The following SLCO1A2 variants were observed in gnomAD, a reference collection of about 807,000 sequenced individuals.
SLCO1A2 encodes solute carrier organic anion transporter family member 1A2, also known as OATP-1.
In SLCO1A2, 67 loss-of-function variants were observed where a neutral mutation model predicts 69.0. That is an observed-to-expected ratio of 0.97 (90% CI 0.80 to 1.19). The LOEUF (loss-of-function observed/expected upper bound fraction) is 1.19. Among genes scored for constraint, SLCO1A2 ranks in the 50% most tolerant of loss-of-function variants. SLCO1A2 has a pLI of 0.00. For missense variants in SLCO1A2, 787 were observed against 793.7 expected (o/e 0.99, Z 0.10); for synonymous variants, 260 against 265.9 (o/e 0.98, Z 0.22).
intron 8 of SLCO1A2, among the ~76,000 whole-genome samples, chr12:21,299,823 TAC>T (rs1378292494): frequency 1.4e-5 from 2 of 141,656 alleles, no homozygotes; most frequent in African/African-American, 5.2e-5. Flanking sequence ...CACACACATA[TAC>T]ACACACATAT....
chr12:21,297,313 A>G (rs1947880534), intron 9 of SLCO1A2, 91 bp downstream of exon 9: 3 of 827,746 alleles, frequency 3.6e-6, no homozygotes, highest in Non-Finnish European at 5.3e-6. Flanking sequence ...AAATATCCTA[A>G]AACACTTCAA....
chr12:21,400,475 C>G (rs1941652221), intron 1 of SLCO1A2, among the ~76,000 whole-genome samples: 1 of 151,652 alleles, frequency 6.6e-6, no homozygotes, highest in South Asian at 2.1e-4. Context: ...GTGGCGATTC[C>G]TCAGGGATCT....
rs367902603 is a variant in SLCO1A2 at position 21,316,663 on chromosome 12, T to C, written c.203-1982A>G. Among the ~76,000 whole-genome samples, 17 of 152,282 alleles carry C rather than the reference T, an allele frequency of 1.1e-4. No homozygotes were observed. The East Asian group carries it at 2.9e-3, about 26-fold the overall frequency. On this transcript the variant is annotated intron_variant, in intron 3 of 14. Transcript: ENST00000683939. ...TTCTCTTAACATAGACTCCTTTTCTTCTACCTGTGCCTTAAATGTTTGTGC... is the reference window on the plus strand; with the variant it reads ...TTCTCTTAACATAGACTCCTTTTCTCCTACCTGTGCCTTAAATGTTTGTGC...
intron 2 of SLCO1A2, among the ~76,000 whole-genome samples, chr12:21,358,419 C>T (rs1204458822): frequency 1.3e-5 from 2 of 152,146 alleles, no homozygotes; most frequent in Admixed American, 1.3e-4. Context: ...TACTTTTAAA[C>T]TATGTGGCAA....
At chr12:21,399,933 A>G (rs1304008325), upstream of SLCO1A2, among the ~76,000 whole-genome samples, 3 of 151,944 alleles carry the variant, frequency 2.0e-5, no homozygotes, top group Admixed American at 1.3e-4. Context: ...CTAGAAGAAA[A>G]GCTAGGCATT....
intron 1 of SLCO1A2, among the ~76,000 whole-genome samples, chr12:21,382,551 A>G (rs1481943108): frequency 6.6e-6 from 1 of 152,164 alleles, no homozygotes; most frequent in East Asian, 1.9e-4. Flanking sequence ...TAATCCCAGC[A>G]CTTTGGGAGG....
intron 1 of SLCO1A2, among the ~76,000 whole-genome samples, chr12:21,376,572 G>T (rs558162639): frequency 6.6e-6 from 1 of 152,002 alleles, no homozygotes; most frequent in Admixed American, 6.6e-5. Flanking sequence ...TCAAACATTT[G>T]TCAGCATACA....
chr12:21,325,348 T>C (rs1011922357), intron 2 of SLCO1A2, among the ~76,000 whole-genome samples: 6 of 152,236 alleles, frequency 3.9e-5, no homozygotes, highest in African/African-American at 1.4e-4. Flanking sequence ...AAAGGCTGTT[T>C]AGACATCTCA....
intron 2 of SLCO1A2, among the ~76,000 whole-genome samples, chr12:21,332,930 A>ATAGAAATTTATGTGAAAAGGACC (rs1160386510): frequency 6.6e-6 from 1 of 152,092 alleles, no homozygotes; most frequent in Admixed American, 6.6e-5. Context: ...TGAGACCTAA[A>ATAGAAATTTATGTGAAAAGGACC]TAGAAATTTA....
chr12:21,287,209 CAG>C (rs1946005437), intron 12 of SLCO1A2, among the ~76,000 whole-genome samples: 1 of 145,860 alleles, frequency 6.9e-6, no homozygotes, highest in African/African-American at 2.6e-5. Flanking sequence ...AGGACATGAA[CAG>C]ACACTTCTCA....
chr12:21,404,067 T>C (rs1441086647), intron 1 of SLCO1A2, among the ~76,000 whole-genome samples: 2 of 152,068 alleles, frequency 1.3e-5, no homozygotes, highest in African/African-American at 2.4e-5. Context: ...ACTGACATTT[T>C]TGAACAGTAG....
At chr12:21,382,418 A>G (rs149187720) in intron 1 of SLCO1A2, among the ~76,000 whole-genome samples, 202 of 152,286 alleles carry the variant, frequency 1.3e-3, no homozygotes, top group African/African-American at 4.5e-3. Flanking sequence ...AAAATGTTAA[A>G]ATTCACCACT....
chr12:21,346,607 C>T (rs1953260319), intron 2 of SLCO1A2, among the ~76,000 whole-genome samples: 2 of 152,016 alleles, frequency 1.3e-5, no homozygotes, highest in African/African-American at 4.8e-5. Context: ...AGCCACCTTC[C>T]CAGCAATGAT....
Position 21,318,821 on chromosome 12 carries a change from T to G in SLCO1A2, c.163A>C (p.Thr55Pro), listed in dbSNP as rs368380651. Reference protein sequence around the residue: ...TQIERQFNIPTSLVGFINGSF... With the variant: ...TQIERQFNIPPSLVGFINGSF... Reference sequence around the variant, plus strand: ...CCATTAATGAATCCAACTAGAGATGTTGGGATGTTGAATTGTCTCTCTATT... The same window carrying G: ...CCATTAATGAATCCAACTAGAGATGGTGGGATGTTGAATTGTCTCTCTATT... The change falls in exon 3 of 15, where the codon ACA becomes CCA. Residue 55 changes from threonine to proline, a missense_variant. Coordinates refer to ENST00000683939, the MANE Select transcript of SLCO1A2 (RefSeq NM_001386879.1). The G allele has an allele frequency of 6.2e-7, 1 of 1,610,378 alleles. No homozygotes were observed. Among genetic ancestry groups the G allele is most frequent in the East Asian group, 2.2e-5 (1 of 44,720 alleles).
chr12:21,288,637 C>T (rs916115698), intron 12 of SLCO1A2, among the ~76,000 whole-genome samples: 3 of 151,900 alleles, frequency 2.0e-5, no homozygotes, highest in Admixed American at 6.6e-5. Context: ...ATAATTTACT[C>T]GTACATTTTA....
At chr12:21,352,842 T>A (rs1938068355) in intron 2 of SLCO1A2, among the ~76,000 whole-genome samples, 1 of 152,230 alleles carries the variant, frequency 6.6e-6, no homozygotes, top group Non-Finnish European at 1.5e-5. Context: ...GTACATAAGG[T>A]GTATGCAAAA....
chr12:21,375,131 T>C (rs1384537228), intron 1 of SLCO1A2, among the ~76,000 whole-genome samples: 1 of 152,200 alleles, frequency 6.6e-6, no homozygotes, highest in Non-Finnish European at 1.5e-5. Flanking sequence ...TATGTTTTTA[T>C]AGATGTTTGT....
chr12:21,287,960 A>G (rs1183747515), intron 12 of SLCO1A2, among the ~76,000 whole-genome samples: 1 of 138,684 alleles, frequency 7.2e-6, no homozygotes, highest in Non-Finnish European at 1.5e-5. Context: ...ATGTATACAT[A>G]TGTAACTAAC....
At chr12:21,297,913 A>G (rs1004345302) in intron 8 of SLCO1A2, among the ~76,000 whole-genome samples, 1 of 152,134 alleles carries the variant, frequency 6.6e-6, no homozygotes, top group Admixed American at 6.6e-5. Flanking sequence ...TTCTATTAAT[A>G]TATTCTTTTT....
Sources: gnomAD v4.1 joint callset for allele counts (sites outside exome capture counted in the v4.1 genomes callset) on GRCh38, gnomAD v4.1.1 for gene constraint, MANE v1.5 for transcripts, NCBI Gene and HGNC (gene_info 2026-07-23, HGNC 2026-07-21) for gene names.